The following IMMP2L variants were observed in gnomAD, a reference collection of about 807,000 sequenced individuals.
The protein encoded by IMMP2L is inner mitochondrial membrane peptidase subunit 2.
In IMMP2L, 18 loss-of-function variants were observed where a neutral mutation model predicts 19.3. The observed-to-expected ratio is 0.93, with a 90% CI of 0.64 to 1.38. IMMP2L has a LOEUF of 1.38. Ranked by LOEUF, IMMP2L falls within the 40% of genes most tolerant of loss-of-function variation. The pLI is 0.00. For synonymous variants in IMMP2L, 76 were observed against 73.0 expected, an observed-to-expected ratio of 1.04 and a Z score of -0.21; for missense variants, 233 against 218.2, an observed-to-expected ratio of 1.07 and a Z score of -0.43.
chr7:111,493,807 A>G (rs1469853995), intron 2 of IMMP2L, among the ~76,000 whole-genome samples: 2 of 151,260 alleles, frequency 1.3e-5, no homozygotes, highest in Non-Finnish European at 2.9e-5. Context: ...GGAGATCGAG[A>G]TCATCCTGGC....
chr7:111,465,893 C>T (rs1253208390), intron 3 of IMMP2L, among the ~76,000 whole-genome samples: 2 of 152,078 alleles, frequency 1.3e-5, no homozygotes, highest in Non-Finnish European at 2.9e-5. Flanking sequence ...TATTGCGGCA[C>T]TATTCACAAT....
chr7:111,339,771 A>G (rs1826827941), intron 3 of IMMP2L, among the ~76,000 whole-genome samples: 1 of 152,086 alleles, frequency 6.6e-6, no homozygotes, highest in African/African-American at 2.4e-5. Flanking sequence ...TTGCATAGTA[A>G]AAGAATTTTG....
intron 5 of IMMP2L, among the ~76,000 whole-genome samples, chr7:110,714,474 G>C (rs929612143): frequency 2.0e-5 from 3 of 152,142 alleles, no homozygotes; most frequent in Non-Finnish European, 2.9e-5. Flanking sequence ...ATGAGTTAGG[G>C]AAGAATTCCT....
intron 3 of IMMP2L, among the ~76,000 whole-genome samples, chr7:111,119,410 T>C (rs1180187637): frequency 6.6e-6 from 1 of 152,224 alleles, no homozygotes; most frequent in Non-Finnish European, 1.5e-5. Flanking sequence ...CTGTTTTCCC[T>C]CTAGCTATTA....
intron 2 of IMMP2L, among the ~76,000 whole-genome samples, chr7:111,490,438 CG>C (rs1342155238): frequency 6.6e-6 from 1 of 151,620 alleles, no homozygotes; most frequent in Non-Finnish European, 1.5e-5. Flanking sequence ...TTCTTACATC[CG>C]GGTTACCCTT....
chr7:111,177,557 T>C (rs2129610313), intron 3 of IMMP2L, among the ~76,000 whole-genome samples: 1 of 152,074 alleles, frequency 6.6e-6, no homozygotes, highest in South Asian at 2.1e-4. Flanking sequence ...CCTTTAAACA[T>C]CTCCAAATTT....
At chr7:110,675,418 G>A (rs1343584329) in intron 5 of IMMP2L, among the ~76,000 whole-genome samples, 4 of 151,962 alleles carry the variant, frequency 2.6e-5, no homozygotes, top group Admixed American at 6.6e-5. Flanking sequence ...AAATGCAACC[G>A]TATTTCATCA....
intron 3 of IMMP2L, among the ~76,000 whole-genome samples, chr7:111,008,483 A>G (rs1452000619): frequency 6.6e-6 from 1 of 151,932 alleles, no homozygotes; most frequent in Non-Finnish European, 1.5e-5. Context: ...TTCCCTGACA[A>G]TTATATAAAA....
intron 3 of IMMP2L, among the ~76,000 whole-genome samples, chr7:111,164,284 A>C (rs1805592527): frequency 1.3e-5 from 2 of 152,090 alleles, no homozygotes; most frequent in Admixed American, 1.3e-4. Flanking sequence ...TATTGCAGGG[A>C]GTGCTGACAA....
At chr7:111,545,468 G>A (rs994276839) in intron 1 of IMMP2L, among the ~76,000 whole-genome samples, 4 of 152,040 alleles carry the variant, frequency 2.6e-5, no homozygotes, top group South Asian at 2.1e-4. Flanking sequence ...TCAGCTCACC[G>A]CAACCTCTGC....
chr7:111,524,634 G>T (rs975956547), intron 1 of IMMP2L, among the ~76,000 whole-genome samples: 12 of 152,016 alleles, frequency 7.9e-5, no homozygotes, highest in African/African-American at 1.2e-4. Context: ...GTGTTTAAAG[G>T]TCAGCTGTTT....
At chr7:111,102,297 T>A (rs1046443933) in intron 3 of IMMP2L, among the ~76,000 whole-genome samples, 2 of 151,484 alleles carry the variant, frequency 1.3e-5, no homozygotes, top group East Asian at 3.9e-4. Flanking sequence ...TTCTTTTTTT[T>A]AATGCATCAT....
chr7:110,812,100 G>C (rs968772379), intron 5 of IMMP2L, among the ~76,000 whole-genome samples: 5 of 151,968 alleles, frequency 3.3e-5, no homozygotes, highest in African/African-American at 1.2e-4. Context: ...ATCCACATAT[G>C]TATATATACA....
chr7:111,255,039 T>C (rs1212499956), intron 3 of IMMP2L, among the ~76,000 whole-genome samples: 1 of 152,132 alleles, frequency 6.6e-6, no homozygotes, highest in Non-Finnish European at 1.5e-5. Context: ...ATAATCTACA[T>C]GAATACATCA....
intron 1 of IMMP2L, among the ~76,000 whole-genome samples, chr7:111,556,035 T>TATATATATATATATACACACAC (rs1554550178): frequency 9.6e-5 from 13 of 135,700 alleles, no homozygotes; most frequent in African/African-American, 3.6e-4. Context: ...TATATATATA[T>TATATATATATATATACACACAC]ACATACCCAA....
At chr7:110,703,990 A>C (rs1010385638) in intron 5 of IMMP2L, among the ~76,000 whole-genome samples, 2 of 151,662 alleles carry the variant, frequency 1.3e-5, no homozygotes, top group Non-Finnish European at 2.9e-5. Context: ...GGACTACAGG[A>C]GCCTGCCACC....
chr7:111,167,088 T>C (rs1021908611), intron 3 of IMMP2L, among the ~76,000 whole-genome samples: 4 of 152,010 alleles, frequency 2.6e-5, no homozygotes, highest in Non-Finnish European at 4.4e-5. Flanking sequence ...GAAGCTGTTA[T>C]GATGCATATC....
At chr7:111,188,253 G>C (rs774630551) in intron 3 of IMMP2L, among the ~76,000 whole-genome samples, 8 of 152,222 alleles carry the variant, frequency 5.3e-5, no homozygotes, top group Admixed American at 3.3e-4. Flanking sequence ...TCCTGTCTTA[G>C]TACAGGCTGC....
intron 3 of IMMP2L, among the ~76,000 whole-genome samples, chr7:111,317,567 G>T (rs1824241925): frequency 6.6e-6 from 1 of 151,936 alleles, no homozygotes; most frequent in African/African-American, 2.4e-5. Context: ...AATACTCAAA[G>T]GTCTAAAAAT....
Sources: gnomAD v4.1 joint callset for allele counts (sites outside exome capture counted in the v4.1 genomes callset) on GRCh38, gnomAD v4.1.1 for gene constraint, MANE v1.5 for transcripts, NCBI Gene and HGNC (gene_info 2026-07-23, HGNC 2026-07-21) for gene names.